Variants in SEC14L1 observed in about 807,000 individuals in gnomAD.
SEC14L1 encodes the protein SEC14 like lipid binding 1, also known as SEC14-like protein 1.
Under a neutral mutation model 85.3 loss-of-function variants are expected in SEC14L1, and 48 were observed. The ratio of observed to expected loss-of-function variants is 0.56; its 90% CI spans 0.45 to 0.72. The LOEUF (loss-of-function observed/expected upper bound fraction) is 0.72. SEC14L1 is among the 30% of genes least tolerant of loss of function. The probability of loss-of-function intolerance (pLI) is 0.00; values close to 1 mark genes in which losing one functional copy is unlikely to be tolerated. For missense variants in SEC14L1, 682 were observed against 921.4 expected (o/e 0.74, Z 3.36); for synonymous variants, 391 against 355.5 (o/e 1.10, Z -1.12).
chr17:77,215,376 G>A lies in SEC14L1; in HGVS notation c.*1353G>A, dbSNP rs1368454221. On this transcript the variant is annotated 3_prime_UTR_variant, in exon 17 of 17. Transcript: ENST00000436233. ...CGTGTTTCTGTGTGCAGCAGAGGCCGTGTTTTTCATGCCAAACCCCACGCG... is the reference window on the plus strand; with the variant it reads ...CGTGTTTCTGTGTGCAGCAGAGGCCATGTTTTTCATGCCAAACCCCACGCG... The A allele has an allele frequency of 3.0e-6, 3 of 985,298 alleles. No homozygotes were observed. Among genetic ancestry groups the A allele is most frequent in the Admixed American group, 6.1e-5 (1 of 16,268 alleles). The allele number at this position is 985,298 out of a possible 1,614,324, so 61.0% of individuals were successfully genotyped here. A position where few individuals can be genotyped will look rare whatever the true frequency, so the allele number is the denominator to read the frequency against.
chr17:77,206,623 A>C lies in SEC14L1; in HGVS notation c.1342-105A>C. On this transcript the variant is annotated intron_variant, in intron 12 of 16. Coordinates refer to ENST00000436233, the MANE Select transcript of SEC14L1 (RefSeq NM_001143998.2). This position sits in a 1 kb window ranked among gnomAD's most constrained non-coding sequence, Gnocchi z 4.3. ...TTTACAGAAGAAGTATATAAACTTG[A>C]ATGTCTTCCCCCCACCCTCCCACTC... 7.2e-7 allele frequency: 1 copy of C among 1,381,500 alleles called. No homozygotes were observed. The highest frequency in any genetic ancestry group is 1.4e-5 in the South Asian group (1 of 72,758). 85.6% of individuals were successfully genotyped at this position (1,381,500 alleles called of 1,614,324 possible).
At chr17:77,208,793 C>G (rs980580303) in intron 13 of SEC14L1, among the ~76,000 whole-genome samples, 1 of 152,180 alleles carries the variant, frequency 6.6e-6, no homozygotes, top group Non-Finnish European at 1.5e-5. Context: ...GTGTCAAGGT[C>G]AATTAGGAGA....
chr17:77,194,597 A>G (rs1450206715), intron 6 of SEC14L1, 80 bp from the exon 7 acceptor site: 3 of 1,204,236 alleles, frequency 2.5e-6, no homozygotes, highest in Non-Finnish European at 3.6e-6. Flanking sequence ...CGTTGGCTAG[A>G]AAAAAAGAAA....
intron 3 of SEC14L1, among the ~76,000 whole-genome samples, chr17:77,131,201 G>A (rs544772332): frequency 1.1e-4 from 17 of 152,194 alleles, no homozygotes; most frequent in Non-Finnish European, 2.5e-4. Flanking sequence ...AATAGGCTGT[G>A]TTTCAACTGC....
At chr17:77,090,969 CAAAAA>C (rs760589758) in intron 2 of SEC14L1, among the ~76,000 whole-genome samples, 2 of 89,762 alleles carry the variant, frequency 2.2e-5, no homozygotes, top group African/African-American at 8.5e-5. Context: ...GACCCTGTCT[CAAAAA>C]AAAAAAAAAA....
intron 3 of SEC14L1, among the ~76,000 whole-genome samples, chr17:77,098,220 C>T (rs1049669567): frequency 1.3e-5 from 2 of 152,110 alleles, no homozygotes; most frequent in Non-Finnish European, 2.9e-5. Flanking sequence ...TGTTCTAGGC[C>T]CGGTGCAGTG....
At chr17:77,194,500 T>C in intron 6 of SEC14L1, among the ~76,000 whole-genome samples, 177 bp from the exon 7 acceptor site, 1 of 151,520 alleles carries the variant, frequency 6.6e-6, no homozygotes, top group East Asian at 2.0e-4. Context: ...TACAGTGAGC[T>C]GTGATCATGC....
At chr17:77,199,741 G>A (rs1976026660) in intron 8 of SEC14L1, among the ~76,000 whole-genome samples, 2 of 152,282 alleles carry the variant, frequency 1.3e-5, no homozygotes, top group South Asian at 4.1e-4. Flanking sequence ...GCTCTACTTT[G>A]CGGAAACGAA....
At chr17:77,137,122 T>TGGTC (rs1481823916), upstream of SEC14L1, among the ~76,000 whole-genome samples, 2 of 152,212 alleles carry the variant, frequency 1.3e-5, no homozygotes, top group African/African-American at 4.8e-5. Flanking sequence ...TTGGTCAGGT[T>TGGTC]GGTCTTAAAC....
chr17:77,214,240 T>C lies in SEC14L1; in HGVS notation c.*217T>C. The C allele has an allele frequency of 7.3e-7, 1 of 1,366,768 alleles. No individual in the cohort carries two copies. The highest frequency in any genetic ancestry group is 2.8e-4 in the Middle Eastern group (1 of 3,634). 84.7% of individuals were successfully genotyped at this position (1,366,768 alleles called of 1,614,324 possible). On this transcript the variant is annotated 3_prime_UTR_variant, in exon 17 of 17. Coordinates refer to ENST00000436233, the MANE Select transcript of SEC14L1 (RefSeq NM_001143998.2). Reference sequence around the variant, plus strand: ...CTTAACTCAATAGCCATAGATTTTGTATACGTTGTGCACAAAATCCAACCA... The same window carrying C: ...CTTAACTCAATAGCCATAGATTTTGCATACGTTGTGCACAAAATCCAACCA...
chr17:77,191,459 A>G (rs1975531598), intron 5 of SEC14L1, 147 bp downstream of exon 5: 1 of 912,920 alleles, frequency 1.1e-6, no homozygotes, highest in Admixed American at 2.1e-5. Flanking sequence ...GTGTAGGAGG[A>G]AGGGTAGCAG....
intron 3 of SEC14L1, among the ~76,000 whole-genome samples, chr17:77,096,051 C>G (rs1046287746): frequency 6.9e-6 from 1 of 145,936 alleles, no homozygotes; most frequent in Admixed American, 6.9e-5. Flanking sequence ...TCCTTGCAGT[C>G]AGTCTTTTTT....
chr17:77,184,877 C>G (rs749918735), intron 3 of SEC14L1, among the ~76,000 whole-genome samples: 3 of 152,170 alleles, frequency 2.0e-5, no homozygotes. Flanking sequence ...TGTAGAAACT[C>G]GCGTGGCTTG....
At chr17:77,157,902 G>A (rs1341687600) in intron 3 of SEC14L1, among the ~76,000 whole-genome samples, 1 of 152,082 alleles carries the variant, frequency 6.6e-6, no homozygotes, top group South Asian at 2.1e-4. Context: ...ATTACATCAT[G>A]TTTTCATGTG....
rs572729527 is a variant in SEC14L1 at position 77,119,000 on chromosome 17, A to G, written c.-135-23646A>G. On this transcript the variant is annotated intron_variant, in intron 3 of 19. Coordinates refer to the SEC14L1 transcript ENST00000392476. ...AGAAAACAAACCTCTGCATGCATTG[A>G]TGAAGGAAGAAAAATACAGCCTGTA... is the stretch of plus-strand genomic sequence containing the variant. 1.6e-4 allele frequency among the ~76,000 whole-genome samples: 24 copies of G among 152,240 alleles called. No individual in the cohort carries two copies. In the East Asian group the frequency reaches 4.6e-3, roughly 29 times the overall value.
intron 3 of SEC14L1, among the ~76,000 whole-genome samples, chr17:77,175,553 G>T (rs1974715675): frequency 6.6e-6 from 1 of 152,234 alleles, no homozygotes; most frequent in South Asian, 2.1e-4. Flanking sequence ...TCACTGTGGT[G>T]CCCGGGCAGC....
Position 77,215,430 on chromosome 17 carries a change from G to A in SEC14L1, c.*1407G>A. ...GTCAACTGTGTGCGTGGTAGGCATG[G>A]AGATCCTGGTTGTGCCGTCTCAGCT... is the stretch of plus-strand genomic sequence containing the variant. On this transcript the variant is annotated 3_prime_UTR_variant, in exon 17 of 17. Coordinates refer to ENST00000436233, the MANE Select transcript of SEC14L1 (RefSeq NM_001143998.2). 2.0e-6 allele frequency: 2 copies of A among 985,578 alleles called. No individual in the cohort carries two copies. The highest frequency in any genetic ancestry group is 2.4e-6 in the Non-Finnish European group (2 of 830,024). The allele number at this position is 985,578 out of a possible 1,614,324, so 61.1% of individuals were successfully genotyped here. A position where few individuals can be genotyped will look rare whatever the true frequency, so the allele number is the denominator to read the frequency against.
At position 77,191,275 on chromosome 17, in the gene SEC14L1, C is replaced by T; in HGVS notation, c.308C>T (p.Ser103Phe). The change falls in exon 5 of 17, where the codon TCC becomes TTC. Residue 103 changes from serine to phenylalanine, a missense_variant. By Grantham distance (155) the Ser-to-Phe change is radical. Around this residue, in one of 3 missense-constraint regions of SEC14L1, gnomAD observed 139 missense variants for 201.3 expected, o/e 0.69. Coordinates refer to ENST00000436233, the MANE Select transcript of SEC14L1 (RefSeq NM_001143998.2). Reference sequence around the variant, plus strand: ...ATTGAGGCTTATAATGAAACGTTTTCCAATCGGGTCATCATTAATGAGCAT... The same window carrying T: ...ATTGAGGCTTATAATGAAACGTTTTTCAATCGGGTCATCATTAATGAGCAT... Reference protein sequence around the residue: ...LHIEAYNETFSNRVIINEHCC... With the variant: ...LHIEAYNETFFNRVIINEHCC... 1.2e-6 allele frequency: 2 copies of T among 1,613,980 alleles called. No homozygotes were observed. The highest frequency in any genetic ancestry group is 1.7e-6 in the Non-Finnish European group (2 of 1,179,986).
rs572735925 is a variant in SEC14L1 at position 77,100,393 on chromosome 17, C to CTTTTTT, written c.-136+7054_-136+7059dup. Among the ~76,000 whole-genome samples the CTTTTTT allele has an allele frequency of 3.0e-3, 166 of 56,106 alleles. 4 individuals carry two copies. The highest frequency in any genetic ancestry group is 5.5e-3 in the East Asian group (8 of 1,462). 36.8% of individuals were successfully genotyped at this position (56,106 alleles called of 152,430 possible). ...TTTCCCCTTCCTTGGCTGGCTTTTT[C>CTTTTTT]TTTTTTTTTTTTTCTTTTCTTTCTC... On this transcript the variant is annotated intron_variant, in intron 3 of 19. Coordinates refer to the SEC14L1 transcript ENST00000392476.
Sources: gnomAD v4.1 joint callset for allele counts (sites outside exome capture counted in the v4.1 genomes callset) on GRCh38, gnomAD v4.1.1 for gene constraint, gnomAD v4.1.1 regional missense constraint, Gnocchi (gnomAD v3.1) non-coding constraint, MANE v1.5 for transcripts, NCBI Gene and HGNC (gene_info 2026-07-23, HGNC 2026-07-21) for gene names.